The following PRKACB variants were observed in gnomAD, a reference collection of about 807,000 sequenced individuals.
PRKACB encodes the protein cAMP-dependent protein kinase catalytic subunit beta.
PRKACB carries 16 observed loss-of-function variants against 51.4 expected under a neutral mutation model. The observed-to-expected ratio is 0.31, with a 90% CI of 0.21 to 0.47. The LOEUF is 0.47. PRKACB is among the 20% of genes least tolerant of loss of function. PRKACB has a pLI of 1.00. For missense variants in PRKACB, 309 were observed against 464.5 expected, an observed-to-expected ratio of 0.67 and a Z score of 3.08; for synonymous variants, 147 against 154.4, an observed-to-expected ratio of 0.95 and a Z score of 0.35.
rs1661869956 is a variant in PRKACB at position 84,177,880 on chromosome 1, A to G, written c.188-1297A>G. 2.0e-5 allele frequency among the ~76,000 whole-genome samples: 3 copies of G among 152,092 alleles called. No individual in the cohort carries two copies. The South Asian group carries it at 6.2e-4, about 32-fold the overall frequency. On this transcript the variant is annotated intron_variant, in intron 1 of 9. Coordinates refer to ENST00000370685, the MANE Select transcript of PRKACB (RefSeq NM_182948.4). ...TTTTAGTGCATGAGATTTTCCTACA[A>G]TGGGAAAATTCTAAGTTTAAAAATT...
At chr1:84,124,057 A>G (rs896646813) in intron 1 of PRKACB, among the ~76,000 whole-genome samples, 5 of 152,190 alleles carry the variant, frequency 3.3e-5, no homozygotes, top group Non-Finnish European at 5.9e-5. Flanking sequence ...AGATACCTAA[A>G]GCTATCTCAT....
At chr1:84,234,563 G>A (rs944351412) in intron 9 of PRKACB, among the ~76,000 whole-genome samples, 54 of 152,212 alleles carry the variant, frequency 3.5e-4, no homozygotes, top group Admixed American at 1.0e-3. Context: ...AGCAATCAGC[G>A]AGACTCCGTG....
At chr1:84,210,949 A>G (rs571469516) in intron 8 of PRKACB, among the ~76,000 whole-genome samples, 13 of 152,338 alleles carry the variant, frequency 8.5e-5, no homozygotes, top group Non-Finnish European at 1.8e-4. Context: ...CCCCCAAAAT[A>G]CTTTAAATAT....
chr1:84,191,315 G>T (rs1666727010), intron 5 of PRKACB, among the ~76,000 whole-genome samples: 1 of 151,866 alleles, frequency 6.6e-6, no homozygotes, highest in South Asian at 2.1e-4. Flanking sequence ...ATTCTTAGAT[G>T]GAATTTTTTT....
chr1:84,222,379 G>A (rs541933551), intron 9 of PRKACB, among the ~76,000 whole-genome samples: 46 of 152,228 alleles, frequency 3.0e-4, no homozygotes, highest in Non-Finnish European at 5.7e-4. Context: ...TATTCAGACA[G>A]TCCATATCTT....
intron 1 of PRKACB, among the ~76,000 whole-genome samples, chr1:84,150,964 TA>T: frequency 6.6e-6 from 1 of 152,268 alleles, no homozygotes; most frequent in Non-Finnish European, 1.5e-5. Context: ...ACTTGACAAA[TA>T]AAATTGCGTA....
At chr1:84,101,006 CTTA>C (rs1649310947) in intron 1 of PRKACB, among the ~76,000 whole-genome samples, 1 of 151,760 alleles carries the variant, frequency 6.6e-6, no homozygotes, top group Non-Finnish European at 1.5e-5. Flanking sequence ...TAGTTTTCTC[CTTA>C]TTATAATCTT....
chr1:84,133,349 T>C (rs1173161671), intron 1 of PRKACB, among the ~76,000 whole-genome samples: 1 of 152,176 alleles, frequency 6.6e-6, no homozygotes, highest in Non-Finnish European at 1.5e-5. Context: ...ACTAAGGTTA[T>C]TCATTGCCAA....
intron 1 of PRKACB, among the ~76,000 whole-genome samples, chr1:84,096,886 T>C (rs1648964328): frequency 6.6e-6 from 1 of 152,088 alleles, no homozygotes; most frequent in African/African-American, 2.4e-5. Context: ...AAGGTTCCCT[T>C]GTCCCTCCAG....
At chr1:84,139,272 A>G (rs146091745), upstream of PRKACB, among the ~76,000 whole-genome samples, 5 of 152,196 alleles carry the variant, frequency 3.3e-5, no homozygotes, top group Admixed American at 6.5e-5. Context: ...CTGCCTACAT[A>G]GAAAATTGCA....
intron 8 of PRKACB, among the ~76,000 whole-genome samples, chr1:84,211,301 T>C (rs2101555687): frequency 6.6e-6 from 1 of 152,304 alleles, no homozygotes; most frequent in South Asian, 2.1e-4. Flanking sequence ...GCCATCTGAA[T>C]GTAATGAAAG....
intron 8 of PRKACB, among the ~76,000 whole-genome samples, 192 bp downstream of exon 8, chr1:84,202,997 A>G (rs1014392327): frequency 6.6e-6 from 1 of 152,058 alleles, no homozygotes; most frequent in Non-Finnish European, 1.5e-5. Context: ...AGTTTTATAA[A>G]GAAATTAACA....
intron 1 of PRKACB, chr1:84,078,473 CT>C: frequency 7.3e-7 from 1 of 1,366,278 alleles, no homozygotes; most frequent in Non-Finnish European, 9.9e-7. Flanking sequence ...CGGGCCAGGC[CT>C]AGCAGCGGCC....
intron 1 of PRKACB, among the ~76,000 whole-genome samples, chr1:84,086,940 AT>A (rs1407339182): frequency 6.6e-6 from 1 of 152,330 alleles, no homozygotes; most frequent in Non-Finnish European, 1.5e-5. Context: ...CTGTGAACAA[AT>A]CAGACAATAA....
chr1:84,235,510 A>G lies in PRKACB; in HGVS notation c.*205A>G. 1.7e-6 allele frequency: 1 copy of G among 591,030 alleles called. No individual in the cohort carries two copies. Among genetic ancestry groups the G allele is most frequent in the Non-Finnish European group, 2.9e-6 (1 of 343,384 alleles). The allele number at this position is 591,030 out of a possible 1,614,324, so 36.6% of individuals were successfully genotyped here. A position where few individuals can be genotyped will look rare whatever the true frequency, so the allele number is the denominator to read the frequency against. ...CCGCTAAGCAAGCATTGTCTGTGCC[A>G]TAACACAGTACTAGACCACTTTCTT... On this transcript the variant is annotated 3_prime_UTR_variant, in exon 10 of 10. Transcript: ENST00000370685.
chr1:84,139,798 C>T (rs1207276568), upstream of PRKACB, among the ~76,000 whole-genome samples: 1 of 152,212 alleles, frequency 6.6e-6, no homozygotes, highest in East Asian at 1.9e-4. Context: ...GTGGCTTACG[C>T]CTGTAATCCC....
At chr1:84,108,486 A>T (rs943361867) in intron 1 of PRKACB, among the ~76,000 whole-genome samples, 1 of 152,084 alleles carries the variant, frequency 6.6e-6, no homozygotes, top group Non-Finnish European at 1.5e-5. Context: ...AACCTAAAAT[A>T]AAAATTAAAA....
rs144946354 is a variant in PRKACB, at chr1:84,110,826, G to A, written c.46+32455G>A. On this transcript the variant is annotated intron_variant, in intron 1 of 8. Transcript: ENST00000370688. ...CAAATTGGGGAAATTATCGTTTCCTGAATCTGCACTTCCTATTTTGGTGAA... is the reference window on the plus strand; with the variant it reads ...CAAATTGGGGAAATTATCGTTTCCTAAATCTGCACTTCCTATTTTGGTGAA... Among the ~76,000 whole-genome samples the A allele has an allele frequency of 3.1e-3, 475 of 152,064 alleles. 5 individuals carry two copies. The highest frequency in any genetic ancestry group is 0.011 in the African/African-American group (454 of 41,524).
At chr1:84,118,645 T>C (rs1196768945) in intron 1 of PRKACB, among the ~76,000 whole-genome samples, 2 of 152,048 alleles carry the variant, frequency 1.3e-5, no homozygotes, top group East Asian at 3.9e-4. Context: ...ATTGCAGACC[T>C]GAGAACAGCA....
Sources: gnomAD v4.1 joint callset for allele counts (sites outside exome capture counted in the v4.1 genomes callset) on GRCh38, gnomAD v4.1.1 for gene constraint, MANE v1.5 for transcripts, NCBI Gene and HGNC (gene_info 2026-07-23, HGNC 2026-07-21) for gene names.